PCGF5: variants seen among roughly 807,000 people sequenced by gnomAD.
The protein encoded by PCGF5 is polycomb group ring finger 5.
PCGF5 carries 9 observed loss-of-function variants against 44.3 expected under a neutral mutation model. That is an observed-to-expected ratio of 0.20 (90% CI 0.12 to 0.35). PCGF5 has a LOEUF of 0.35. Ranked by LOEUF, PCGF5 falls within the 10% of genes least tolerant of loss-of-function variation. PCGF5 has a pLI of 1.00. For missense variants in PCGF5, 146 were observed against 305.3 expected, an observed-to-expected ratio of 0.48 and a Z score of 3.89; for synonymous variants, 95 against 102.5, an observed-to-expected ratio of 0.93 and a Z score of 0.44.
intron 1 of PCGF5, among the ~76,000 whole-genome samples, chr10:91,165,360 A>G (rs964920710): frequency 7.9e-5 from 12 of 152,234 alleles, no homozygotes; most frequent in Non-Finnish European, 1.2e-4. Context: ...TGGAATCAGC[A>G]AAGTCAAATC....
chr10:91,157,954 G>A, the PCGF5 span, among the ~76,000 whole-genome samples: 1 of 152,232 alleles, frequency 6.6e-6, no homozygotes, highest in South Asian at 2.1e-4. Context: ...GAATTCAAGA[G>A]GCAGTGAGTG....
chr10:91,247,592 G>A (rs371066450), intron 3 of PCGF5, among the ~76,000 whole-genome samples: 1 of 151,304 alleles, frequency 6.6e-6, no homozygotes, highest in East Asian at 1.9e-4. Context: ...GAGGCAGGAA[G>A]GGGGTGTTGT....
chr10:91,272,892 A>G (rs1846214010), intron 9 of PCGF5, among the ~76,000 whole-genome samples: 1 of 152,260 alleles, frequency 6.6e-6, no homozygotes, highest in Non-Finnish European at 1.5e-5. Context: ...ATTACATAAC[A>G]AACTTAACTG....
At chr10:91,157,512 C>T in the PCGF5 span, among the ~76,000 whole-genome samples, 745 of 152,194 alleles carry the variant, frequency 4.9e-3, 26 homozygotes, top group Admixed American at 0.037. Flanking sequence ...GACAGTGAAA[C>T]CATTAGCAAC....
chr10:91,276,011 G>A (rs905860897), intron 9 of PCGF5, among the ~76,000 whole-genome samples: 12 of 151,432 alleles, frequency 7.9e-5, no homozygotes, highest in Admixed American at 3.3e-4. Context: ...ATGTAGCACC[G>A]TACCAAATGG....
intron 1 of PCGF5, among the ~76,000 whole-genome samples, chr10:91,177,506 G>A (rs934365708): frequency 7.9e-5 from 12 of 152,212 alleles, no homozygotes; most frequent in African/African-American, 2.7e-4. Flanking sequence ...CCCCGGAGGT[G>A]GAGTCTACAG....
At chr10:91,191,619 T>G (rs1488612137) in intron 1 of PCGF5, among the ~76,000 whole-genome samples, 1 of 152,138 alleles carries the variant, frequency 6.6e-6, no homozygotes, top group African/African-American at 2.4e-5. Flanking sequence ...CCATAAGCTT[T>G]TTGGTTTCTT....
At chr10:91,257,130 T>G (rs1214507179) in intron 6 of PCGF5, among the ~76,000 whole-genome samples, 1 of 151,830 alleles carries the variant, frequency 6.6e-6, no homozygotes, top group Non-Finnish European at 1.5e-5. Flanking sequence ...ATGGCCCAAT[T>G]TGGAAAAAGG....
chr10:91,267,121 G>A (rs1846066280), intron 8 of PCGF5, among the ~76,000 whole-genome samples: 1 of 151,976 alleles, frequency 6.6e-6, no homozygotes, highest in African/African-American at 2.4e-5. Flanking sequence ...CTGTCTCCCT[G>A]GCCTCACAGC....
chr10:91,251,523 C>A, intron 6 of PCGF5, 83 bp downstream of exon 6: 1 of 1,312,708 alleles, frequency 7.6e-7, no homozygotes, highest in South Asian at 1.3e-5. Context: ...TCTAATGCTT[C>A]AAAATGTTTG....
At position 91,262,014 on chromosome 10, in the gene PCGF5, TAG is replaced by T. The variant is rs137868349; in HGVS notation, c.573+593_573+594del. 7.2e-3 allele frequency among the ~76,000 whole-genome samples: 1,093 copies of T among 152,366 alleles called. 16 individuals carry two copies. Among genetic ancestry groups the T allele is most frequent in the African/African-American group, 0.024 (1,000 of 41,586 alleles). On this transcript the variant is annotated intron_variant, in intron 7 of 9. Coordinates refer to ENST00000336126, the MANE Select transcript of PCGF5 (RefSeq NM_032373.5). ...CATGTTTAGAGAATGTTTTTAATCC[TAG>T]AGTTATAACTAAAACATAGTAAGGA...
At chr10:91,207,530 A>G (rs1388003324) in intron 1 of PCGF5, among the ~76,000 whole-genome samples, 1 of 152,216 alleles carries the variant, frequency 6.6e-6, no homozygotes. Flanking sequence ...CTAAGAAAGG[A>G]CATACAGTTA....
chr10:91,278,993 T>C lies in PCGF5; in HGVS notation c.*677T>C, dbSNP rs1846383358. 6.6e-6 allele frequency: 1 copy of C among 152,656 alleles called. No individual in the cohort carries two copies. Among genetic ancestry groups the C allele is most frequent in the African/African-American group, 2.4e-5 (1 of 41,450 alleles). The allele number at this position is 152,656 out of a possible 1,614,324, so 9.5% of individuals were successfully genotyped here. On this transcript the variant is annotated 3_prime_UTR_variant, in exon 10 of 10. Transcript: ENST00000336126. ...TAGCCCTCCAGATTGAAAATGTATG[T>C]GACCTCTTGAACTGAAGTTAGATTC...
intron 1 of PCGF5, among the ~76,000 whole-genome samples, chr10:91,183,219 G>A (rs1307599254): frequency 2.0e-5 from 3 of 152,082 alleles, no homozygotes; most frequent in Admixed American, 1.3e-4. Context: ...ATTATTGTGT[G>A]GGAGTCTTAA....
intron 1 of PCGF5, among the ~76,000 whole-genome samples, chr10:91,193,510 G>A (rs981863253): frequency 6.6e-6 from 1 of 152,022 alleles, no homozygotes; most frequent in African/African-American, 2.4e-5. Context: ...TGACAGCCAA[G>A]TCCTAAGGGG....
intron 2 of PCGF5, among the ~76,000 whole-genome samples, chr10:91,229,114 C>A (rs1844932346): frequency 6.6e-6 from 1 of 152,124 alleles, no homozygotes; most frequent in Admixed American, 6.5e-5. Context: ...GCTTTACATT[C>A]ATTGTTTTAT....
At chr10:91,271,549 G>A in intron 8 of PCGF5, 89 bp from the exon 9 acceptor site, 1 of 1,032,266 alleles carries the variant, frequency 9.7e-7, no homozygotes, top group Non-Finnish European at 1.4e-6. Context: ...TGACTCTTGT[G>A]TTTGACGTTA....
At chr10:91,164,335 AG>A (rs908494938) in intron 1 of PCGF5, among the ~76,000 whole-genome samples, 27 of 152,220 alleles carry the variant, frequency 1.8e-4, no homozygotes, top group African/African-American at 6.0e-4. Context: ...TTGGGGGGTC[AG>A]GGTCCACACA....
At chr10:91,220,445 A>G (rs1844635813), upstream of PCGF5, 1 of 152,646 alleles carries the variant, frequency 6.6e-6, no homozygotes, top group Non-Finnish European at 1.5e-5. Flanking sequence ...AACCGAGATA[A>G]TATTTGGCCA....
Sources: allele counts gnomAD v4.1 joint callset (sites outside exome capture counted in the v4.1 genomes callset), GRCh38; gene constraint gnomAD v4.1.1; transcripts MANE v1.5; gene names NCBI Gene and HGNC (gene_info 2026-07-23, HGNC 2026-07-21).